MME: variants seen among roughly 807,000 people sequenced by gnomAD.
The protein encoded by MME is membrane metalloendopeptidase, also known as neprilysin.
Under a neutral mutation model 113.2 loss-of-function variants are expected in MME, and 98 were observed. The observed-to-expected ratio is 0.87, with a 90% CI of 0.74 to 1.02. The LOEUF is 1.02. Ranked by LOEUF, MME falls within the 50% of genes least tolerant of loss-of-function variation. The pLI, the probability that MME is intolerant of heterozygous loss-of-function variation, is 0.00. For synonymous variants in MME, 292 were observed against 300.6 expected, an observed-to-expected ratio of 0.97 and a Z score of 0.30; for missense variants, 836 against 896.0, an observed-to-expected ratio of 0.93 and a Z score of 0.86.
At chr3:155,084,134 T>C (rs757011311) in intron 1 of MME, 24 bp from the exon 2 acceptor site, 10 of 1,571,126 alleles carry the variant, frequency 6.4e-6, no homozygotes, top group Non-Finnish European at 8.8e-6. Context: ...TGTTTTTCAT[T>C]ATTAGTATTT....
intron 1 of MME, among the ~76,000 whole-genome samples, chr3:155,042,910 A>ATATG (rs1559890017): frequency 8.1e-5 from 4 of 49,176 alleles, no homozygotes; most frequent in Non-Finnish European, 1.1e-4. Flanking sequence ...TTATATATAT[A>ATATG]TATATATATA....
At chr3:155,153,884 C>T (rs897271375) in intron 16 of MME, among the ~76,000 whole-genome samples, 1 of 152,058 alleles carries the variant, frequency 6.6e-6, no homozygotes, top group South Asian at 2.1e-4. Context: ...GCCCTTTACT[C>T]GGGAGTCTAT....
chr3:155,172,386 G>T (rs944900772), intron 21 of MME, 150 bp from the exon 22 acceptor site: 2 of 805,662 alleles, frequency 2.5e-6, no homozygotes, highest in Non-Finnish European at 4.3e-6. Context: ...TATGTTCCTG[G>T]TTGCCTTTCA....
At chr3:155,050,224 G>A (rs1376586998) in intron 1 of MME, among the ~76,000 whole-genome samples, 1 of 151,932 alleles carries the variant, frequency 6.6e-6, no homozygotes, top group East Asian at 1.9e-4. Flanking sequence ...TTTCTTTATT[G>A]AGTCTACCAT....
chr3:155,069,736 A>G (rs1395526702), intron 1 of MME, among the ~76,000 whole-genome samples: 2 of 152,194 alleles, frequency 1.3e-5, no homozygotes, highest in Non-Finnish European at 2.9e-5. Flanking sequence ...CTAGGCAGGA[A>G]GAAACTCACT....
intron 3 of MME, among the ~76,000 whole-genome samples, chr3:155,096,883 T>C (rs1716787692): frequency 6.6e-6 from 1 of 152,126 alleles, no homozygotes. Flanking sequence ...CACACCCCGT[T>C]AAGTTTTGTA....
chr3:155,046,086 C>G (rs1713549996), intron 1 of MME, among the ~76,000 whole-genome samples: 1 of 152,182 alleles, frequency 6.6e-6, no homozygotes, highest in South Asian at 2.1e-4. Flanking sequence ...CTATCTCTTG[C>G]ACCAACTCTC....
At chr3:155,143,383 C>T (rs924559315) in intron 12 of MME, 60 bp from the exon 13 acceptor site, 35 of 1,592,252 alleles carry the variant, frequency 2.2e-5, no homozygotes, top group Non-Finnish European at 2.8e-5. Flanking sequence ...AATGTGTGCT[C>T]TTAACATGCT....
rs150154849 is a variant in MME at position 155,093,432 on chromosome 3, C to T, written c.196+8338C>T. Among the ~76,000 whole-genome samples the T allele has an allele frequency of 2.6e-5, 4 of 152,236 alleles. No homozygotes were observed. The East Asian group carries it at 7.8e-4, about 30-fold the overall frequency. ...TCAAAGACATATGTGTCCAGGTGTA[C>T]CAGCCATCTGGATCAAAGCCAGACC... On this transcript the variant is annotated intron_variant, in intron 3 of 22. Coordinates refer to ENST00000360490, the MANE Select transcript of MME (RefSeq NM_007289.4).
At chr3:155,078,952 T>C (rs1359810292), upstream of MME, among the ~76,000 whole-genome samples, 1 of 152,150 alleles carries the variant, frequency 6.6e-6, no homozygotes, top group Non-Finnish European at 1.5e-5. Context: ...CCAGGCGCAT[T>C]ACGGCTGATT....
chr3:155,145,126 C>T (rs544631367), intron 14 of MME, among the ~76,000 whole-genome samples: 1 of 152,156 alleles, frequency 6.6e-6, no homozygotes, highest in Admixed American at 6.5e-5. Context: ...CTCAAAGAGC[C>T]CTGAGTGGGT....
chr3:155,126,835 A>C (rs1335306910), intron 8 of MME, among the ~76,000 whole-genome samples: 2 of 151,970 alleles, frequency 1.3e-5, no homozygotes, highest in African/African-American at 2.4e-5. Flanking sequence ...CCCCATCTCT[A>C]CTAAAAATAC....
intron 1 of MME, among the ~76,000 whole-genome samples, chr3:155,053,192 C>A (rs1713816828): frequency 6.6e-6 from 1 of 152,166 alleles, no homozygotes; most frequent in Non-Finnish European, 1.5e-5. Context: ...CCAGTCTCTG[C>A]CCATTACACA....
At chr3:155,091,210 C>G (rs1716263235) in intron 3 of MME, among the ~76,000 whole-genome samples, 1 of 152,178 alleles carries the variant, frequency 6.6e-6, no homozygotes, top group Non-Finnish European at 1.5e-5. Flanking sequence ...TTCCCTGGCA[C>G]AATTCTCGTG....
At chr3:155,118,857 G>A (rs202246108) in intron 8 of MME, 46 bp downstream of exon 8, 7 of 1,191,540 alleles carry the variant, frequency 5.9e-6, no homozygotes, top group South Asian at 2.6e-5. Flanking sequence ...AAATGATCTG[G>A]TGTAAACCTA....
At chr3:155,147,272 T>C (rs1721592295) in intron 15 of MME, 48 bp downstream of exon 15, 5 of 1,179,950 alleles carry the variant, frequency 4.2e-6, no homozygotes, top group Non-Finnish European at 1.3e-6. Flanking sequence ...TTAGGGCTGG[T>C]AGTAGTGTCA....
chr3:155,096,590 G>A (rs1408388452), intron 3 of MME, among the ~76,000 whole-genome samples: 1 of 152,196 alleles, frequency 6.6e-6, no homozygotes, highest in Non-Finnish European at 1.5e-5. Flanking sequence ...CAGAATTATT[G>A]AGAAAGATCA....
At chr3:155,049,908 G>T (rs1713699737) in intron 1 of MME, among the ~76,000 whole-genome samples, 1 of 152,058 alleles carries the variant, frequency 6.6e-6, no homozygotes, top group South Asian at 2.1e-4. Context: ...CAAGGGTTTG[G>T]TGTACAGATT....
At position 155,181,337 on chromosome 3, in the gene MME, A is replaced by G. The variant is rs1211780328; in HGVS notation, c.*878A>G. The G allele has an allele frequency of 6.6e-6, 1 of 152,164 alleles. No homozygotes were observed. Among genetic ancestry groups the G allele is most frequent in the Non-Finnish European group, 1.5e-5 (1 of 68,022 alleles). The allele number at this position is 152,164 out of a possible 1,614,324, so 9.4% of individuals were successfully genotyped here. ...AGCGATATACAGATGAAAATTTGAG[A>G]CTATTTAAACTTATAAATCATATTG... On this transcript the variant is annotated 3_prime_UTR_variant, in exon 23 of 23. Coordinates refer to ENST00000360490, the MANE Select transcript of MME (RefSeq NM_007289.4).
Sources: gnomAD v4.1 joint callset for allele counts (sites outside exome capture counted in the v4.1 genomes callset) on GRCh38, gnomAD v4.1.1 for gene constraint, MANE v1.5 for transcripts, NCBI Gene and HGNC (gene_info 2026-07-23, HGNC 2026-07-21) for gene names.